DCC: variants seen among roughly 807,000 people sequenced by gnomAD.
DCC encodes DCC netrin 1 receptor.
Under a neutral mutation model 172.5 loss-of-function variants are expected in DCC, and 58 were observed. That is an observed-to-expected ratio of 0.34 (90% confidence interval 0.27 to 0.42). The LOEUF (loss-of-function observed/expected upper bound fraction) is 0.42. Among genes scored for constraint, DCC ranks in the 10% least tolerant of loss-of-function variants. The pLI, the probability that DCC is intolerant of heterozygous loss-of-function variation, is 1.00. For missense variants in DCC, 1,740 were observed against 1,791.0 expected, an observed-to-expected ratio of 0.97 and a Z score of 0.51; for synonymous variants, 709 against 644.5, an observed-to-expected ratio of 1.10 and a Z score of -1.52.
intron 1 of DCC, among the ~76,000 whole-genome samples, chr18:52,387,613 T>TCCTTCCTTCCTG (rs1985861085): frequency 6.6e-6 from 1 of 151,052 alleles, no homozygotes; most frequent in Non-Finnish European, 1.5e-5. Context: ...CTTCCTTCCT[T>TCCTTCCTTCCTG]CCTTCCTTCC....
At chr18:53,326,257 G>T (rs1460573339) in intron 14 of DCC, among the ~76,000 whole-genome samples, 1 of 152,146 alleles carries the variant, frequency 6.6e-6, no homozygotes, top group Non-Finnish European at 1.5e-5. Flanking sequence ...TGCACAAAAT[G>T]CTGTTACACG....
intron 5 of DCC, among the ~76,000 whole-genome samples, chr18:52,986,356 G>A (rs190010907): frequency 2.0e-5 from 3 of 152,238 alleles, no homozygotes; most frequent in Admixed American, 6.5e-5. Context: ...AGTGGGCAGC[G>A]AATGGCCCAG....
intron 5 of DCC, among the ~76,000 whole-genome samples, chr18:52,937,406 TA>T (rs2040397035): frequency 6.6e-6 from 1 of 152,212 alleles, no homozygotes; most frequent in Admixed American, 6.6e-5. Context: ...CCCTTCCATG[TA>T]AATGGAGGAA....
chr18:52,582,421 C>G (rs573103426), intron 1 of DCC, among the ~76,000 whole-genome samples: 3 of 152,246 alleles, frequency 2.0e-5, no homozygotes, highest in South Asian at 2.1e-4. Flanking sequence ...TTTAATCTCC[C>G]TACTCACAGT....
At chr18:53,120,204 A>G (rs1163800915) in intron 7 of DCC, among the ~76,000 whole-genome samples, 1 of 151,836 alleles carries the variant, frequency 6.6e-6, no homozygotes, top group African/African-American at 2.4e-5. Flanking sequence ...TGTGTCTGAA[A>G]CTTCATGGTT....
At chr18:52,382,626 T>A (rs555027073) in intron 1 of DCC, among the ~76,000 whole-genome samples, 1 of 152,084 alleles carries the variant, frequency 6.6e-6, no homozygotes, top group African/African-American at 2.4e-5. Flanking sequence ...TGGAGAGATA[T>A]TTTGGAGACA....
intron 1 of DCC, among the ~76,000 whole-genome samples, chr18:52,723,499 G>A (rs149210054): frequency 1.6e-3 from 244 of 152,254 alleles, no homozygotes; most frequent in Middle Eastern, 3.4e-3. Context: ...AAAAGAGCAG[G>A]TTTGGCTTCA....
At chr18:52,865,588 C>G (rs1208781755) in intron 2 of DCC, among the ~76,000 whole-genome samples, 1 of 151,504 alleles carries the variant, frequency 6.6e-6, no homozygotes, top group Non-Finnish European at 1.5e-5. Flanking sequence ...ATTAGTATTT[C>G]TCTAATGACC....
At chr18:52,430,929 A>C (rs994992834) in intron 1 of DCC, among the ~76,000 whole-genome samples, 9 of 152,138 alleles carry the variant, frequency 5.9e-5, no homozygotes, top group African/African-American at 2.2e-4. Flanking sequence ...TAATGCCCAA[A>C]CCTTTTAGAG....
intron 1 of DCC, among the ~76,000 whole-genome samples, chr18:52,676,944 G>T (rs762725040): frequency 6.6e-6 from 1 of 152,138 alleles, no homozygotes. Context: ...ATGCCTTAAG[G>T]ATAGAGCAGC....
chr18:53,461,563 C>G (rs1431219035), intron 24 of DCC, among the ~76,000 whole-genome samples: 1 of 152,246 alleles, frequency 6.6e-6, no homozygotes, highest in African/African-American at 2.4e-5. Context: ...GCTTGTTTTT[C>G]TCAGGTTTGT....
intron 7 of DCC, among the ~76,000 whole-genome samples, chr18:53,095,141 T>G (rs1205288779): frequency 1.3e-5 from 2 of 152,220 alleles, no homozygotes; most frequent in Non-Finnish European, 2.9e-5. Flanking sequence ...CTGATTAGAA[T>G]GGACATTTTC....
intron 21 of DCC, among the ~76,000 whole-genome samples, chr18:53,428,709 TTA>T (rs1286508011): frequency 1.2e-4 from 7 of 59,078 alleles, no homozygotes; most frequent in South Asian, 5.3e-4. Flanking sequence ...ATTTTATATA[TTA>T]TATATATTTA....
At chr18:53,478,009 G>T (rs573757260) in intron 25 of DCC, among the ~76,000 whole-genome samples, 1 of 152,216 alleles carries the variant, frequency 6.6e-6, no homozygotes, top group Admixed American at 6.5e-5. Flanking sequence ...TCAGAACAGA[G>T]ACTGGAAGAT....
intron 7 of DCC, among the ~76,000 whole-genome samples, chr18:53,101,000 G>A (rs1239228971): frequency 6.6e-6 from 1 of 152,060 alleles, no homozygotes; most frequent in African/African-American, 2.4e-5. Context: ...CTTTAATCCT[G>A]TAGCACCTTC....
At chr18:53,024,794 T>C (rs1308223603) in intron 5 of DCC, among the ~76,000 whole-genome samples, 1 of 152,120 alleles carries the variant, frequency 6.6e-6, no homozygotes, top group Non-Finnish European at 1.5e-5. Flanking sequence ...GGAAAAGGGA[T>C]TGTAGTTGTT....
intron 7 of DCC, among the ~76,000 whole-genome samples, chr18:53,084,764 A>T (rs186804840): frequency 2.0e-3 from 302 of 152,328 alleles, no homozygotes; most frequent in Non-Finnish European, 2.9e-3. Context: ...CTATACAATA[A>T]CAAACATATG....
intron 1 of DCC, among the ~76,000 whole-genome samples, chr18:52,541,684 A>G (rs2032451457): frequency 6.6e-6 from 1 of 151,962 alleles, no homozygotes. Context: ...AATCCTTGAT[A>G]AGAAGCAGGA....
At chr18:53,032,936 C>G (rs750620668) in intron 5 of DCC, among the ~76,000 whole-genome samples, 1 of 152,120 alleles carries the variant, frequency 6.6e-6, no homozygotes, top group African/African-American at 2.4e-5. Flanking sequence ...CACATAAAAT[C>G]TTTAAAAGCG....
Sources: gnomAD v4.1 joint callset for allele counts (sites outside exome capture counted in the v4.1 genomes callset) on GRCh38, gnomAD v4.1.1 for gene constraint, MANE v1.5 for transcripts, NCBI Gene and HGNC (gene_info 2026-07-23, HGNC 2026-07-21) for gene names.